The following VEPH1 variants were observed in gnomAD, a reference collection of about 807,000 sequenced individuals.
The protein encoded by VEPH1 is ventricular zone-expressed PH domain-containing protein homolog 1.
In VEPH1, 80 loss-of-function variants were observed where a neutral mutation model predicts 85.2. That is an observed-to-expected ratio of 0.94 (90% CI 0.78 to 1.13). The LOEUF (loss-of-function observed/expected upper bound fraction) is 1.13. VEPH1 is among the 50% of genes most tolerant of loss of function. VEPH1 has a pLI of 0.00. For synonymous variants in VEPH1, 297 were observed against 348.0 expected, an observed-to-expected ratio of 0.85 and a Z score of 1.63; for missense variants, 955 against 980.5, an observed-to-expected ratio of 0.97 and a Z score of 0.35.
chr3:157,305,101 C>CTTTT (rs139799192), intron 11 of VEPH1, among the ~76,000 whole-genome samples: 4 of 77,818 alleles, frequency 5.1e-5, no homozygotes, highest in South Asian at 6.3e-4. Flanking sequence ...ATCTATCTGT[C>CTTTT]TTTTTTTTTT....
At chr3:157,407,136 A>G (rs941350804) in intron 6 of VEPH1, among the ~76,000 whole-genome samples, 2 of 152,208 alleles carry the variant, frequency 1.3e-5, no homozygotes, top group Non-Finnish European at 2.9e-5. Flanking sequence ...TAATTAGGGA[A>G]GGAAATAATG....
chr3:157,470,649 G>T, intron 2 of VEPH1, 120 bp from the exon 3 acceptor site: 1 of 873,320 alleles, frequency 1.1e-6, no homozygotes, highest in Non-Finnish European at 1.8e-6. Flanking sequence ...AAGGGGTGAG[G>T]GTGTAAAGCC....
rs145435994 is a variant in VEPH1 at position 157,390,646 on chromosome 3, G to A, written c.907-9270C>T. On this transcript the variant is annotated intron_variant, in intron 6 of 13. Transcript: ENST00000362010. ...GAGCTTTAATTCAAGAAGGAGAATG[G>A]GACTCCACCAGAATCATGAAGGATA... 1.6e-3 allele frequency among the ~76,000 whole-genome samples: 241 copies of A among 152,256 alleles called. 1 individual carries two copies. Among genetic ancestry groups the A allele is most frequent in the African/African-American group, 4.5e-3 (186 of 41,554 alleles).
intron 2 of VEPH1, among the ~76,000 whole-genome samples, chr3:157,485,635 A>T (rs1242319636): frequency 1.3e-5 from 2 of 152,108 alleles, no homozygotes; most frequent in Non-Finnish European, 2.9e-5. Context: ...TACAACACAA[A>T]TAAAATGAAG....
intron 11 of VEPH1, among the ~76,000 whole-genome samples, chr3:157,303,797 A>C (rs1719106113): frequency 6.6e-6 from 1 of 151,930 alleles, no homozygotes; most frequent in African/African-American, 2.4e-5. Flanking sequence ...ATTGCCACTT[A>C]GAAACTGCCT....
At chr3:157,375,514 C>T (rs1305929396) in intron 7 of VEPH1, among the ~76,000 whole-genome samples, 2 of 152,172 alleles carry the variant, frequency 1.3e-5, no homozygotes, top group East Asian at 1.9e-4. Context: ...CCACACAATA[C>T]ATCAAATATG....
At chr3:157,435,440 A>G (rs1031838703) in intron 4 of VEPH1, among the ~76,000 whole-genome samples, 1 of 152,222 alleles carries the variant, frequency 6.6e-6, no homozygotes, top group African/African-American at 2.4e-5. Flanking sequence ...TAGAGTTCAA[A>G]GAGAGACATG....
chr3:157,416,550 TG>T (rs1731927205), intron 5 of VEPH1, among the ~76,000 whole-genome samples: 1 of 152,118 alleles, frequency 6.6e-6, no homozygotes, highest in Admixed American at 6.6e-5. Flanking sequence ...TTTTTAGCAA[TG>T]AAAAATGCTT....
intron 5 of VEPH1, among the ~76,000 whole-genome samples, chr3:157,416,876 C>T (rs866380594): frequency 6.8e-6 from 1 of 148,128 alleles, no homozygotes; most frequent in East Asian, 2.0e-4. Context: ...GAAAGACAGA[C>T]AGACAGAAAG....
At chr3:157,501,427 A>T (rs1740086991) in intron 1 of VEPH1, among the ~76,000 whole-genome samples, 1 of 152,184 alleles carries the variant, frequency 6.6e-6, no homozygotes, top group African/African-American at 2.4e-5. Flanking sequence ...GGGTAATCCA[A>T]ACACCTGAGT....
Position 157,364,640 on chromosome 3 carries a change from T to C in VEPH1, c.1128-128A>G, listed in dbSNP as rs1224412029. On this transcript the variant is annotated intron_variant, in intron 7 of 13. Coordinates refer to ENST00000362010, the MANE Select transcript of VEPH1 (RefSeq NM_001167912.2). Reference sequence around the variant, plus strand: ...CCTGATAATTTTTTTCATTGGTCATTTAACAAGTATTTACTGCAGGCATAG... The same window carrying C: ...CCTGATAATTTTTTTCATTGGTCATCTAACAAGTATTTACTGCAGGCATAG... The C allele has an allele frequency of 4.6e-5, 39 of 849,044 alleles. No homozygotes were observed. The East Asian group carries it at 1.0e-3, about 22-fold the overall frequency. The allele number at this position is 849,044 out of a possible 1,614,324, so 52.6% of individuals were successfully genotyped here. A position where few individuals can be genotyped will look rare whatever the true frequency, so the allele number is the denominator to read the frequency against.
At chr3:157,442,424 T>A in intron 4 of VEPH1, 1 of 1,614,180 alleles carries the variant, frequency 6.2e-7, no homozygotes, top group Non-Finnish European at 8.5e-7. Context: ...GAAGCGTGCA[T>A]CCAGTGAGAC....
chr3:157,414,184 C>T, intron 5 of VEPH1, 94 bp from the exon 6 acceptor site: 2 of 969,818 alleles, frequency 2.1e-6, no homozygotes, highest in Non-Finnish European at 3.1e-6. Context: ...ACTTTTTTTG[C>T]ATTAAACCTG....
rs760614960 is a variant in VEPH1, at chr3:157,437,063, C to G, written c.530-8575G>C. 3.7e-6 allele frequency: 6 copies of G among 1,613,544 alleles called. No homozygotes were observed. In the South Asian group the frequency reaches 6.6e-5, roughly 18 times the overall value. On this transcript the variant is annotated intron_variant, in intron 4 of 13. Transcript: ENST00000362010. Reference sequence around the variant, plus strand: ...CAATGGACTCCATCCCACTGAGGACCGTAAGTTCACTTTAACTGTTTCTCT... The same window carrying G: ...CAATGGACTCCATCCCACTGAGGACGGTAAGTTCACTTTAACTGTTTCTCT...
intron 4 of VEPH1, chr3:157,436,822 T>C: frequency 3.9e-6 from 5 of 1,295,232 alleles, no homozygotes; most frequent in Non-Finnish European, 3.2e-6. Context: ...CCTCAGCATT[T>C]ATTAAGGACT....
At chr3:157,417,161 G>A (rs1731985721) in intron 5 of VEPH1, among the ~76,000 whole-genome samples, 1 of 151,990 alleles carries the variant, frequency 6.6e-6, no homozygotes. Flanking sequence ...CCACACATGA[G>A]AAACAAGTCT....
At chr3:157,452,587 C>T (rs1281585848) in intron 4 of VEPH1, among the ~76,000 whole-genome samples, 1 of 152,220 alleles carries the variant, frequency 6.6e-6, no homozygotes, top group African/African-American at 2.4e-5. Flanking sequence ...TATGATTATC[C>T]TCATCACCAC....
rs145377938 is a variant in VEPH1, at chr3:157,363,564, T to A, written c.1535A>T (p.Asn512Ile). ...QLGESSVSYP[N>I]IIHIDSENLS... ...ATTCTCTGAGTCTATATGTATAATA[T>A]TTGGGTATGAAACTGAAGACTCCCC... Residue 512 changes from asparagine (N) to isoleucine (I), a missense_variant, in exon 9 of 14, where the codon AAT becomes ATT. By Grantham distance (149) the Asn-to-Ile change is moderately radical. Transcript: ENST00000362010. The A allele has an allele frequency of 1.0e-3, 1,642 of 1,614,186 alleles. 4 individuals carry two copies. Among genetic ancestry groups the A allele is most frequent in the Non-Finnish European group, 1.3e-3 (1,546 of 1,180,018 alleles).
rs532205431 is a variant in VEPH1, at chr3:157,426,806, C to CT, written c.696+1515dup. Among the ~76,000 whole-genome samples the CT allele has an allele frequency of 2.7e-3, 311 of 116,232 alleles. 2 individuals are homozygous for CT. The highest frequency in any genetic ancestry group is 9.3e-3 in the Middle Eastern group (2 of 214). 76.3% of individuals were successfully genotyped at this position (116,232 alleles called of 152,430 possible). A position where few individuals can be genotyped will look rare whatever the true frequency, so the allele number is the denominator to read the frequency against. On this transcript the variant is annotated intron_variant, in intron 5 of 13. Coordinates refer to ENST00000362010, the MANE Select transcript of VEPH1 (RefSeq NM_001167912.2). ...TAGCCACAGATTCGCAAATCTGTTG[C>CT]TTTTTTTTTTTTTTTTTTTGAGACA...
Sources: allele counts gnomAD v4.1 joint callset (sites outside exome capture counted in the v4.1 genomes callset), GRCh38; gene constraint gnomAD v4.1.1; transcripts MANE v1.5; gene names NCBI Gene and HGNC (gene_info 2026-07-23, HGNC 2026-07-21).